The following PLCB1 variants were observed in gnomAD, a reference collection of about 807,000 sequenced individuals.
PLCB1 encodes 1-phosphatidylinositol 4,5-bisphosphate phosphodiesterase beta-1.
Under a neutral mutation model 161.8 loss-of-function variants are expected in PLCB1, and 46 were observed. The ratio of observed to expected loss-of-function variants is 0.28; its 90% CI spans 0.22 to 0.36. The LOEUF (loss-of-function observed/expected upper bound fraction) is 0.36. Among genes scored for constraint, PLCB1 ranks in the 10% least tolerant of loss-of-function variants. The pLI is 1.00. For missense variants in PLCB1, 1,016 were observed against 1,472.5 expected (o/e 0.69, Z 5.07); for synonymous variants, 517 against 503.7 (o/e 1.03, Z -0.35).
intron 3 of PLCB1, among the ~76,000 whole-genome samples, chr20:8,566,849 G>A (rs6118252): frequency 0.078 from 11,472 of 147,040 alleles, 503 homozygotes; most frequent in South Asian, 0.13. Flanking sequence ...ATGACATACA[G>A]CATCAACAGA....
At chr20:8,396,017 G>A (rs1400868622) in intron 3 of PLCB1, among the ~76,000 whole-genome samples, 2 of 151,834 alleles carry the variant, frequency 1.3e-5, no homozygotes, top group Non-Finnish European at 2.9e-5. Flanking sequence ...TCAAATATTC[G>A]GCTTGTAATT....
At chr20:8,599,850 T>G (rs1287060428) in intron 3 of PLCB1, among the ~76,000 whole-genome samples, 60 of 147,986 alleles carry the variant, frequency 4.1e-4, no homozygotes, top group Admixed American at 3.1e-3. Flanking sequence ...TTCATTCATT[T>G]CATCTTCCAT....
chr20:8,531,608 G>T (rs947986876), intron 3 of PLCB1, among the ~76,000 whole-genome samples: 2 of 152,014 alleles, frequency 1.3e-5, no homozygotes, highest in African/African-American at 4.8e-5. Context: ...ATTAATGCTT[G>T]CCTACAAAAT....
At chr20:8,429,653 G>A (rs1341939547) in intron 3 of PLCB1, among the ~76,000 whole-genome samples, 3 of 151,862 alleles carry the variant, frequency 2.0e-5, no homozygotes, top group African/African-American at 7.3e-5. Flanking sequence ...TTTTACTGAG[G>A]AGCATGATCA....
intron 31 of PLCB1, among the ~76,000 whole-genome samples, chr20:8,813,098 T>A (rs2146254855): frequency 6.6e-6 from 1 of 152,330 alleles, no homozygotes; most frequent in East Asian, 1.9e-4. Context: ...CGTCCTCTCC[T>A]GACCCAACAC....
chr20:8,649,394 C>G lies in PLCB1; in HGVS notation c.539C>G (p.Ala180Gly). The change falls in exon 7 of 32, where the codon GCA (alanine) becomes GGA (glycine). Residue 180 changes from alanine (A) to glycine (G), a missense_variant. Transcript: ENST00000338037. ...CACAGCATATATCGCTTGTTTTCAG[C>G]AGATCGGAAGCGAGTTGAAACTGCT... Reference protein sequence around the residue: ...PLKNIYRLFSADRKRVETALE... With the variant: ...PLKNIYRLFSGDRKRVETALE... 6.2e-7 allele frequency: 1 copy of G among 1,613,422 alleles called. No homozygotes were observed. The highest frequency in any genetic ancestry group is 8.5e-7 in the Non-Finnish European group (1 of 1,179,388).
chr20:8,764,975 G>A (rs1353482762), intron 25 of PLCB1, among the ~76,000 whole-genome samples, 164 bp from the exon 26 acceptor site: 2 of 152,206 alleles, frequency 1.3e-5, no homozygotes, highest in Non-Finnish European at 2.9e-5. Context: ...AAGTTAGCAA[G>A]TGATAGAGCC....
chr20:8,820,689 A>G (rs971328165), intron 31 of PLCB1, among the ~76,000 whole-genome samples: 2 of 152,180 alleles, frequency 1.3e-5, no homozygotes, highest in Admixed American at 6.5e-5. Flanking sequence ...CAGAGTGTTC[A>G]TAGCAACACT....
intron 31 of PLCB1, chr20:8,802,507 T>G: frequency 1.2e-5 from 3 of 248,766 alleles, no homozygotes; most frequent in Non-Finnish European, 2.3e-5. Flanking sequence ...CAGACTATTA[T>G]TCCCACTTTG....
At chr20:8,758,231 A>T (rs558027545) in intron 24 of PLCB1, among the ~76,000 whole-genome samples, 4 of 76,458 alleles carry the variant, frequency 5.2e-5, no homozygotes, top group African/African-American at 8.2e-5. Context: ...AAAGAGAATT[A>T]AAAAAAAAAA....
chr20:8,881,358 T>TGTGTGTGTGTGTGTGCGC (rs369188885), intron 31 of PLCB1, among the ~76,000 whole-genome samples: 2 of 150,502 alleles, frequency 1.3e-5, no homozygotes, highest in African/African-American at 2.4e-5. Context: ...TGTGTGTGTG[T>TGTGTGTGTGTGTGTGCGC]GCATTTGTAG....
chr20:8,758,510 AG>A (rs1981854587), intron 24 of PLCB1, among the ~76,000 whole-genome samples: 1 of 152,032 alleles, frequency 6.6e-6, no homozygotes, highest in African/African-American at 2.4e-5. Flanking sequence ...TGAACCCAGG[AG>A]GCGGAGGTGC....
chr20:8,854,985 A>C (rs1987021683), intron 31 of PLCB1, among the ~76,000 whole-genome samples: 1 of 152,256 alleles, frequency 6.6e-6, no homozygotes, highest in African/African-American at 2.4e-5. Context: ...GAAAAGTTTA[A>C]ATAACATAAC....
In PLCB1 at chr20:8,685,092, AG is replaced by A; in HGVS notation, c.1009+15del. On this transcript the variant is annotated intron_variant, in intron 10 of 31. Coordinates refer to ENST00000338037, the MANE Select transcript of PLCB1 (RefSeq NM_015192.4). Reference sequence around the variant, plus strand: ...CCTACCTCACAGGTATGAATTTTCTAGTTCTTTGTTACTTTAGCCAGTCTCA... The same window carrying A: ...CCTACCTCACAGGTATGAATTTTCTATTCTTTGTTACTTTAGCCAGTCTCA... 6.2e-7 allele frequency: 1 copy of A among 1,611,520 alleles called. No homozygotes were observed. The highest frequency in any genetic ancestry group is 8.5e-7 in the Non-Finnish European group (1 of 1,178,034).
chr20:8,228,196 TAATAA>T (rs1020822736), intron 2 of PLCB1, among the ~76,000 whole-genome samples: 43 of 151,738 alleles, frequency 2.8e-4, no homozygotes, highest in African/African-American at 1.0e-3. Context: ...TAAAATAAAA[TAATAA>T]AATAAAGATG....
intron 10 of PLCB1, among the ~76,000 whole-genome samples, chr20:8,692,048 A>C (rs936199640): frequency 6.6e-6 from 1 of 152,204 alleles, no homozygotes; most frequent in African/African-American, 2.4e-5. Context: ...ATGGCTTCAG[A>C]AACACTGGAA....
At chr20:8,501,843 T>A (rs1381236402) in intron 3 of PLCB1, among the ~76,000 whole-genome samples, 2 of 146,424 alleles carry the variant, frequency 1.4e-5, no homozygotes, top group Non-Finnish European at 3.0e-5. Flanking sequence ...TGCCACTATT[T>A]TTTTTAAAAA....
chr20:8,622,595 T>A (rs1988216007), intron 3 of PLCB1, among the ~76,000 whole-genome samples: 1 of 152,330 alleles, frequency 6.6e-6, no homozygotes, highest in East Asian at 1.9e-4. Context: ...AGATGTGTTC[T>A]TCATTCTGTC....
rs560294438 is a variant in PLCB1, at chr20:8,610,668, T to C, written c.247-17626T>C. On this transcript the variant is annotated intron_variant, in intron 3 of 31. Transcript: ENST00000338037. ...TCTCCCATTCTCTTTGTTGTCTTTT[T>C]ACCTTCTTGATAGTGTCCTTTGTAG... Among the ~76,000 whole-genome samples, 3 of 152,326 alleles carry C rather than the reference T, an allele frequency of 2.0e-5. No homozygotes were observed. The South Asian group carries it at 6.2e-4, about 32-fold the overall frequency.
Sources: gnomAD v4.1 joint callset for allele counts (sites outside exome capture counted in the v4.1 genomes callset) on GRCh38, gnomAD v4.1.1 for gene constraint, MANE v1.5 for transcripts, NCBI Gene and HGNC (gene_info 2026-07-23, HGNC 2026-07-21) for gene names.